Variants in SLC35D4 observed in about 807,000 individuals in gnomAD.
The protein encoded by SLC35D4 is UDP-N-acetylglucosamine transporter SLC35D4.
the SLC35D4 span, among the ~76,000 whole-genome samples, chr18:23,435,991 T>C: frequency 6.7e-6 from 1 of 149,310 alleles, no homozygotes; most frequent in Non-Finnish European, 1.5e-5. Context: ...CCACTGTGCC[T>C]GGCCAACACC....
chr18:23,336,375 CGA>C, the SLC35D4 span, among the ~76,000 whole-genome samples: 1 of 152,032 alleles, frequency 6.6e-6, no homozygotes, highest in African/African-American at 2.4e-5. Flanking sequence ...TATTGCCGAG[CGA>C]GAGTCTGCAA....
At chr18:23,414,268 G>GA in the SLC35D4 span, among the ~76,000 whole-genome samples, 2 of 110,216 alleles carry the variant, frequency 1.8e-5, no homozygotes, top group Admixed American at 1.0e-4. Flanking sequence ...AGAAAGAAAA[G>GA]AAAAAAAAGA....
chr18:23,285,981 G>GCAACC, the SLC35D4 span, among the ~76,000 whole-genome samples: 1 of 152,126 alleles, frequency 6.6e-6, no homozygotes, highest in African/African-American at 2.4e-5. Flanking sequence ...TCGTTTGGCA[G>GCAACC]CAACCCTGAG....
chr18:23,397,845 G>A, the SLC35D4 span, among the ~76,000 whole-genome samples: 1 of 152,158 alleles, frequency 6.6e-6, no homozygotes, highest in Non-Finnish European at 1.5e-5. Context: ...TTGCGCCCAG[G>A]AGGTCAAGAT....
At chr18:23,423,438 G>A in the SLC35D4 span, among the ~76,000 whole-genome samples, 6 of 152,328 alleles carry the variant, frequency 3.9e-5, no homozygotes, top group Middle Eastern at 3.4e-3. Context: ...TGTTACAACC[G>A]GGGGAGAGGA....
chr18:23,347,419 T>TTCTTTCCTATCTCTCTCTC, the SLC35D4 span, among the ~76,000 whole-genome samples: 1 of 131,796 alleles, frequency 7.6e-6, no homozygotes, highest in Admixed American at 7.8e-5. Context: ...CTCTCTCTCT[T>TTCTTTCCTATCTCTCTCTC]CTCTCCTATC....
the SLC35D4 span, among the ~76,000 whole-genome samples, chr18:23,417,506 T>C: frequency 3.9e-5 from 6 of 152,138 alleles, no homozygotes; most frequent in African/African-American, 1.4e-4. Flanking sequence ...CAGGGGTTAC[T>C]AGGAGCAAGT....
chr18:23,427,577 T>C, the SLC35D4 span, among the ~76,000 whole-genome samples: 1 of 152,140 alleles, frequency 6.6e-6, no homozygotes, highest in Non-Finnish European at 1.5e-5. Flanking sequence ...GGTGGGACTG[T>C]AAACTAGTTC....
the SLC35D4 span, among the ~76,000 whole-genome samples, chr18:23,288,163 C>G: frequency 6.6e-6 from 1 of 152,184 alleles, no homozygotes; most frequent in Non-Finnish European, 1.5e-5. Context: ...ATGACTGCAT[C>G]TCTTTGATCC....
the SLC35D4 span, among the ~76,000 whole-genome samples, chr18:23,348,673 ACTGT>A: frequency 1.3e-5 from 2 of 152,168 alleles, no homozygotes; most frequent in African/African-American, 4.8e-5. Flanking sequence ...TCTTATGGTA[ACTGT>A]CTGTGTGGTT....
chr18:23,286,898 T>C, the SLC35D4 span, among the ~76,000 whole-genome samples: 3 of 152,036 alleles, frequency 2.0e-5, no homozygotes, highest in East Asian at 1.9e-4. Context: ...TTCTTCCCAA[T>C]CCAAAGCCTC....
the SLC35D4 span, among the ~76,000 whole-genome samples, chr18:23,244,987 T>C: frequency 6.6e-6 from 1 of 152,226 alleles, no homozygotes; most frequent in Non-Finnish European, 1.5e-5. Context: ...TTTTCTGTTG[T>C]TTCTGTTGGA....
the SLC35D4 span, among the ~76,000 whole-genome samples, chr18:23,239,945 C>T: frequency 6.6e-6 from 1 of 152,118 alleles, no homozygotes. Flanking sequence ...TGGTAAAACC[C>T]CATCTCTACT....
At chr18:23,268,087 G>A in the SLC35D4 span, among the ~76,000 whole-genome samples, 1 of 152,162 alleles carries the variant, frequency 6.6e-6, no homozygotes, top group Non-Finnish European at 1.5e-5. Flanking sequence ...AAGAGAGCAG[G>A]CCTTTTATCT....
At chr18:23,356,647 G>A in the SLC35D4 span, 22 of 1,614,036 alleles carry the variant, frequency 1.4e-5, no homozygotes, top group African/African-American at 2.7e-5. The surrounding 1 kb of genome is among the most constrained non-coding windows in gnomAD (Gnocchi z 4.1). Flanking sequence ...GGAAGTCCAG[G>A]ACGCTGAAGA....
the SLC35D4 span, among the ~76,000 whole-genome samples, chr18:23,280,672 T>A: frequency 1.3e-5 from 2 of 152,122 alleles, no homozygotes; most frequent in African/African-American, 2.4e-5. Context: ...CCTGTCCAAC[T>A]TCACCACAAA....
At chr18:23,357,632 C>T in the SLC35D4 span, among the ~76,000 whole-genome samples, 1 of 152,196 alleles carries the variant, frequency 6.6e-6, no homozygotes, top group Non-Finnish European at 1.5e-5. Flanking sequence ...CAGTGGAACA[C>T]ACAGGCAGCA....
At chr18:23,388,843 C>T in the SLC35D4 span, among the ~76,000 whole-genome samples, 1 of 152,272 alleles carries the variant, frequency 6.6e-6, no homozygotes, top group Non-Finnish European at 1.5e-5. Flanking sequence ...CCTGCTCCGC[C>T]ATGGTAAGAG....
At chr18:23,402,402 G>C in the SLC35D4 span, among the ~76,000 whole-genome samples, 1 of 152,052 alleles carries the variant, frequency 6.6e-6, no homozygotes, top group Admixed American at 6.5e-5. Context: ...TGCAAGAAAC[G>C]GACACCAGTC....
Sources: allele counts gnomAD v4.1 joint callset (sites outside exome capture counted in the v4.1 genomes callset), GRCh38; gene constraint gnomAD v4.1.1; non-coding constraint Gnocchi (gnomAD v3.1); transcripts MANE v1.5; gene names NCBI Gene and HGNC (gene_info 2026-07-23, HGNC 2026-07-21).